The following COG6 variants were observed in gnomAD, a reference collection of about 807,000 sequenced individuals.
COG6 encodes conserved oligomeric Golgi complex subunit 6.
In COG6, 74 loss-of-function variants were observed where a neutral mutation model predicts 88.8. The ratio of observed to expected loss-of-function variants is 0.83; its 90% CI spans 0.69 to 1.01. The LOEUF is 1.01. Ranked by LOEUF, COG6 falls within the 50% of genes least tolerant of loss-of-function variation. The pLI, the probability that COG6 is intolerant of heterozygous loss-of-function variation, is 0.00. For missense variants in COG6, 800 were observed against 797.9 expected (o/e 1.00, Z -0.03); for synonymous variants, 286 against 278.7 (o/e 1.03, Z -0.26).
chr13:39,783,433 C>T (rs1191106889), intron 18 of COG6, among the ~76,000 whole-genome samples: 2 of 151,994 alleles, frequency 1.3e-5, no homozygotes, highest in Non-Finnish European at 2.9e-5. Context: ...CATTTTTGTT[C>T]TGTTTTGTTT....
intron 4 of COG6, among the ~76,000 whole-genome samples, chr13:39,675,739 A>C (rs1452033682): frequency 2.0e-5 from 3 of 152,106 alleles, no homozygotes; most frequent in African/African-American, 4.8e-5. Flanking sequence ...GTGCCTAATA[A>C]ATTGATTCTA....
intron 13 of COG6, among the ~76,000 whole-genome samples, chr13:39,716,541 TG>T (rs970078302): frequency 6.6e-6 from 1 of 152,064 alleles, no homozygotes; most frequent in Non-Finnish European, 1.5e-5. Context: ...TTTGCCCTTT[TG>T]TTTTCTGTAT....
intron 4 of COG6, among the ~76,000 whole-genome samples, chr13:39,670,408 A>C (rs1257695406): frequency 6.6e-6 from 1 of 152,120 alleles, no homozygotes; most frequent in Non-Finnish European, 1.5e-5. Context: ...TTTTAAGTTC[A>C]GTATGTTAAA....
chr13:39,744,901 G>C (rs894512083), intron 18 of COG6, among the ~76,000 whole-genome samples: 1 of 152,150 alleles, frequency 6.6e-6, no homozygotes, highest in Non-Finnish European at 1.5e-5. Context: ...TATCAAAACA[G>C]AGATATAGAC....
At chr13:39,773,654 C>T (rs1020120401) in intron 18 of COG6, among the ~76,000 whole-genome samples, 1 of 152,254 alleles carries the variant, frequency 6.6e-6, no homozygotes, top group East Asian at 1.9e-4. Flanking sequence ...AGCCTGACTC[C>T]AATCAGGATT....
chr13:39,780,443 A>G (rs769290408), intron 18 of COG6, among the ~76,000 whole-genome samples: 77 of 152,296 alleles, frequency 5.1e-4, no homozygotes, highest in Admixed American at 1.4e-3. Context: ...TTCAAAGACA[A>G]TGTCTGGGGT....
At chr13:39,697,625 T>G (rs1877348772) in intron 12 of COG6, among the ~76,000 whole-genome samples, 1 of 151,948 alleles carries the variant, frequency 6.6e-6, no homozygotes, top group Non-Finnish European at 1.5e-5. Context: ...TGTCTCACCA[T>G]GTAGTCCAAC....
intron 11 of COG6, among the ~76,000 whole-genome samples, chr13:39,690,065 C>T (rs1876895361): frequency 6.8e-6 from 1 of 147,302 alleles, no homozygotes; most frequent in Non-Finnish European, 1.5e-5. Context: ...ATTATATTTC[C>T]TGTAGTAATT....
rs1008604740 is a variant in COG6 at position 39,674,265 on chromosome 13, C to T, written c.429-3203C>T. Among the ~76,000 whole-genome samples the T allele has an allele frequency of 5.4e-5, 8 of 148,238 alleles. No individual in the cohort carries two copies. In the Middle Eastern group the frequency reaches 0.014, roughly 256 times the overall value. ...TCACACCATTTAATTTACATATCAT[C>T]GAATAGTGATGAATCGACATGTTTC... On this transcript the variant is annotated intron_variant, in intron 4 of 18. Coordinates refer to ENST00000455146, the MANE Select transcript of COG6 (RefSeq NM_020751.3).
In COG6 at chr13:39,723,362, T is replaced by C. The variant is rs1878954204; in HGVS notation, c.1614T>C (p.Asn538=). The C allele has an allele frequency of 6.2e-7, 1 of 1,610,772 alleles. No individual in the cohort carries two copies. Among genetic ancestry groups the C allele is most frequent in the Non-Finnish European group, 8.5e-7 (1 of 1,177,228 alleles). The change falls in exon 16 of 19, where the codon AAT becomes AAC. Residue 538 remains asparagine, a synonymous_variant. Transcript: ENST00000455146. ...QIEAHLDTLI[N]EQASYVLTRV... ...AAGCACATTTGGACACACTTATAAATGAGCAAGCCTCTTATGTTTTAACTA... is the reference window on the plus strand; with the variant it reads ...AAGCACATTTGGACACACTTATAAACGAGCAAGCCTCTTATGTTTTAACTA...
chr13:39,788,581 C>T (rs576117384), exon 19 of COG6: 199 of 560,020 alleles, frequency 3.6e-4, no homozygotes, highest in African/African-American at 2.7e-3. Context: ...GATCATAATA[C>T]GCACACACAC....
In COG6 at chr13:39,776,977, G is replaced by T. The variant is rs565479320; in HGVS notation, c.1827-11358G>T. On this transcript the variant is annotated intron_variant, in intron 18 of 18. Transcript: ENST00000416691. ...TTCTCTCTTTAGTTGTTACCAGGAA[G>T]AAACCAAAACAGCTTTTTGGCTTGT... Among the ~76,000 whole-genome samples the T allele has an allele frequency of 3.9e-5, 6 of 152,268 alleles. No homozygotes were observed. The East Asian group carries it at 9.6e-4, about 24-fold the overall frequency.
At chr13:39,772,651 C>T (rs1175567040) in intron 18 of COG6, among the ~76,000 whole-genome samples, 1 of 152,228 alleles carries the variant, frequency 6.6e-6, no homozygotes, top group Non-Finnish European at 1.5e-5. Flanking sequence ...GTTTCCTGGC[C>T]TAGGGGCTCT....
At chr13:39,771,450 G>A (rs138235251) in intron 18 of COG6, among the ~76,000 whole-genome samples, 106 of 152,232 alleles carry the variant, frequency 7.0e-4, no homozygotes, top group African/African-American at 2.3e-3. Context: ...AGGGAGACCC[G>A]GCCCTGCTGC....
chr13:39,751,936 A>G lies in COG6; in HGVS notation c.*843A>G. On this transcript the variant is annotated 3_prime_UTR_variant, in exon 19 of 19. Coordinates refer to ENST00000455146, the MANE Select transcript of COG6 (RefSeq NM_020751.3). The stretch of plus-strand genomic sequence containing the variant: ...GGGTCCTAAATCCAACCAACTACAC[A>G]TTTTATCTGGTGTTCAAACCAAAGA... 8.2e-7 allele frequency: 1 copy of G among 1,222,728 alleles called. No individual in the cohort carries two copies. Among genetic ancestry groups the G allele is most frequent in the Non-Finnish European group, 1.1e-6 (1 of 930,112 alleles). 75.7% of individuals were successfully genotyped at this position (1,222,728 alleles called of 1,614,324 possible).
chr13:39,660,465 A>T (rs1874825673), intron 2 of COG6, among the ~76,000 whole-genome samples: 1 of 152,210 alleles, frequency 6.6e-6, no homozygotes, highest in African/African-American at 2.4e-5. Flanking sequence ...TTTGGAGCTA[A>T]TGTGAAGAGG....
intron 11 of COG6, among the ~76,000 whole-genome samples, chr13:39,693,069 C>T (rs1877072867): frequency 1.3e-5 from 2 of 151,838 alleles, no homozygotes; most frequent in Admixed American, 1.3e-4. Context: ...AAAATGGTTA[C>T]CCTCTTATAT....
At chr13:39,679,906 C>T in intron 6 of COG6, 69 bp from the exon 7 acceptor site, 1 of 848,152 alleles carries the variant, frequency 1.2e-6, no homozygotes, top group Non-Finnish European at 2.0e-6. Context: ...AATATGCAAA[C>T]AAAATAATTA....
intron 13 of COG6, among the ~76,000 whole-genome samples, chr13:39,713,542 T>C (rs1878358702): frequency 6.6e-6 from 1 of 152,106 alleles, no homozygotes; most frequent in Admixed American, 6.5e-5. Context: ...AAAACCATCC[T>C]GGCTAACAAG....
Sources: gnomAD v4.1 joint callset for allele counts (sites outside exome capture counted in the v4.1 genomes callset) on GRCh38, gnomAD v4.1.1 for gene constraint, MANE v1.5 for transcripts, NCBI Gene and HGNC (gene_info 2026-07-23, HGNC 2026-07-21) for gene names.